ENKUR: variants seen among roughly 807,000 people sequenced by gnomAD.
ENKUR encodes the protein enkurin.
ENKUR carries 19 observed loss-of-function variants against 27.6 expected under a neutral mutation model. The observed-to-expected ratio is 0.69, with a 90% CI of 0.48 to 1.01. The LOEUF (loss-of-function observed/expected upper bound fraction) is 1.01, where lower values mean the gene tolerates loss of function less well. Among genes scored for constraint, ENKUR ranks in the 50% least tolerant of loss-of-function variants. ENKUR has a pLI of 0.00. For synonymous variants in ENKUR, 117 were observed against 96.9 expected (o/e 1.21, Z -1.22); for missense variants, 312 against 310.5 (o/e 1.00, Z -0.04).
chr10:24,993,005 A>G (rs1396449567), intron 3 of ENKUR, among the ~76,000 whole-genome samples: 1 of 152,218 alleles, frequency 6.6e-6, no homozygotes, highest in African/African-American at 2.4e-5. Flanking sequence ...TGTTTAAGAA[A>G]GAGAATGACT....
At chr10:25,001,687 T>C (rs1457837924) in intron 1 of ENKUR, among the ~76,000 whole-genome samples, 1 of 152,194 alleles carries the variant, frequency 6.6e-6, no homozygotes, top group Non-Finnish European at 1.5e-5. Context: ...TTGTATATGG[T>C]ATTCTTTATG....
At chr10:24,986,309 A>T (rs772970394) in intron 4 of ENKUR, among the ~76,000 whole-genome samples, 5 of 152,226 alleles carry the variant, frequency 3.3e-5, no homozygotes, top group Non-Finnish European at 7.3e-5. Flanking sequence ...GGCACACTGT[A>T]TAGAAGAGGT....
At position 25,053,061 on chromosome 10, in the gene ENKUR, A is replaced by G. The variant is rs932617365; in HGVS notation, c.37+8051T>C. Reference sequence around the variant, plus strand: ...TGGGATTACAGGCATGAGCCACCACACCCATCTTGTCTCTTTAAAAAAAAA... The same window carrying G: ...TGGGATTACAGGCATGAGCCACCACGCCCATCTTGTCTCTTTAAAAAAAAA... On this transcript the variant is annotated intron_variant, in intron 2 of 5. Transcript: ENST00000615958. Among the ~76,000 whole-genome samples the G allele has an allele frequency of 2.8e-5, 4 of 143,954 alleles. No homozygotes were observed. The Admixed American group carries it at 2.9e-4, about 10-fold the overall frequency. The allele number at this position is 143,954 out of a possible 152,430, so 94.4% of individuals were successfully genotyped here. A position where few individuals can be genotyped will look rare whatever the true frequency, so the allele number is the denominator to read the frequency against.
intron 2 of ENKUR, chr10:25,024,352 G>T: frequency 1.2e-6 from 2 of 1,614,066 alleles, no homozygotes; most frequent in Non-Finnish European, 1.7e-6. Flanking sequence ...GATACTTGTA[G>T]CTACTTCAGG....
At chr10:25,021,278 CTT>C (rs1850713910) in intron 2 of ENKUR, among the ~76,000 whole-genome samples, 1 of 152,080 alleles carries the variant, frequency 6.6e-6, no homozygotes, top group Non-Finnish European at 1.5e-5. Flanking sequence ...TAAGAGGTAT[CTT>C]TTTGTGGCAA....
At chr10:24,991,324 T>C (rs1241610588) in intron 3 of ENKUR, among the ~76,000 whole-genome samples, 2 of 152,122 alleles carry the variant, frequency 1.3e-5, no homozygotes, top group Non-Finnish European at 2.9e-5. Flanking sequence ...CTTGAATATT[T>C]TGAAGTCTCT....
intron 2 of ENKUR, chr10:25,024,477 A>C (rs368715418): frequency 2.0e-5 from 33 of 1,614,118 alleles, no homozygotes; most frequent in Admixed American, 3.3e-5. Context: ...TTCAAAAAGC[A>C]CAAATAATTG....
intron 4 of ENKUR, among the ~76,000 whole-genome samples, chr10:24,989,235 G>A (rs1301961660): frequency 1.3e-5 from 2 of 152,182 alleles, no homozygotes; most frequent in Admixed American, 1.3e-4. Flanking sequence ...AAAATGACAT[G>A]CCAATTCTCA....
intron 2 of ENKUR, among the ~76,000 whole-genome samples, chr10:24,996,155 T>C (rs1346518472): frequency 2.0e-5 from 3 of 152,186 alleles, no homozygotes; most frequent in Non-Finnish European, 4.4e-5. Context: ...AATCAATTAA[T>C]ATGTTGAGGA....
intron 2 of ENKUR, chr10:25,025,039 C>G (rs1206686666): frequency 1.5e-5 from 24 of 1,614,192 alleles, no homozygotes; most frequent in Non-Finnish European, 1.9e-5. Context: ...AGAAAAGGCT[C>G]TAGTTGAGAA....
intron 2 of ENKUR, among the ~76,000 whole-genome samples, chr10:25,030,106 G>C (rs2130453091): frequency 6.6e-6 from 1 of 152,208 alleles, no homozygotes; most frequent in Non-Finnish European, 1.5e-5. Flanking sequence ...AAGGCAGGCT[G>C]GTTGATTTAT....
chr10:24,998,905 T>C (rs1315845871), intron 2 of ENKUR, among the ~76,000 whole-genome samples: 3 of 152,176 alleles, frequency 2.0e-5, no homozygotes, highest in African/African-American at 7.2e-5. Flanking sequence ...GTCTCCTCCA[T>C]TACATCTAAC....
intron 2 of ENKUR, among the ~76,000 whole-genome samples, chr10:25,059,585 C>A (rs1348464227): frequency 1.3e-5 from 2 of 152,190 alleles, no homozygotes; most frequent in Non-Finnish European, 2.9e-5. Flanking sequence ...ATTACCATAG[C>A]TCCAGCACAC....
intron 1 of ENKUR, among the ~76,000 whole-genome samples, chr10:25,010,801 T>C (rs1277053501): frequency 6.7e-6 from 1 of 148,436 alleles, no homozygotes; most frequent in Non-Finnish European, 1.5e-5. Context: ...TGCATAGTAT[T>C]CCATGGTGTA....
chr10:24,986,990 G>T (rs1315932813), intron 4 of ENKUR, among the ~76,000 whole-genome samples: 4 of 152,136 alleles, frequency 2.6e-5, no homozygotes, highest in African/African-American at 9.7e-5. Flanking sequence ...TCAGTTTCAT[G>T]CTCCTTTTGC....
rs1849945575 is a variant in ENKUR, at chr10:24,992,322, A to C, written c.448-1713T>G. On this transcript the variant is annotated intron_variant, in intron 3 of 5. Transcript: ENST00000331161. ...GGATAGTGGGGGAAAAGAAAATAATAGGGGCTATTTTAGATAAATAAGGAG... is the reference window on the plus strand; with the variant it reads ...GGATAGTGGGGGAAAAGAAAATAATCGGGGCTATTTTAGATAAATAAGGAG... Among the ~76,000 whole-genome samples, 3 of 152,310 alleles carry C rather than the reference A, an allele frequency of 2.0e-5. 1 individual carries two copies. In the South Asian group the frequency reaches 6.2e-4, roughly 32 times the overall value.
chr10:25,045,122 G>A (rs1210395287), intron 2 of ENKUR, among the ~76,000 whole-genome samples: 1 of 152,052 alleles, frequency 6.6e-6, no homozygotes, highest in East Asian at 1.9e-4. Flanking sequence ...CATTTTTGCC[G>A]ACTTTTATTC....
intron 2 of ENKUR, among the ~76,000 whole-genome samples, chr10:24,996,429 A>T (rs1247028672): frequency 1.4e-5 from 2 of 139,668 alleles, no homozygotes; most frequent in Non-Finnish European, 3.0e-5. Context: ...CTCAAAAAAG[A>T]TCATATATGT....
rs1850974236 is a variant in ENKUR at position 25,034,150 on chromosome 10, ATTAT to A, written c.37+26958_37+26961del. Among the ~76,000 whole-genome samples the A allele has an allele frequency of 2.6e-5, 4 of 152,122 alleles. No homozygotes were observed. In the East Asian group the frequency reaches 7.7e-4, roughly 29 times the overall value. On this transcript the variant is annotated intron_variant, in intron 2 of 5. Coordinates refer to the ENKUR transcript ENST00000615958. ...AAATCAAAAATTTACAGTAAAACGTATTATTTATTTTTATTTGTAATTTTGTGTT... is the reference window on the plus strand; with the variant it reads ...AAATCAAAAATTTACAGTAAAACGTATTATTTTTATTTGTAATTTTGTGTT...
Sources: gnomAD v4.1 joint callset for allele counts (sites outside exome capture counted in the v4.1 genomes callset) on GRCh38, gnomAD v4.1.1 for gene constraint, MANE v1.5 for transcripts, NCBI Gene and HGNC (gene_info 2026-07-23, HGNC 2026-07-21) for gene names.